WDPCP: variants seen among roughly 807,000 people sequenced by gnomAD.
WDPCP encodes WD repeat containing planar cell polarity effector.
Under a neutral mutation model 93.1 loss-of-function variants are expected in WDPCP, and 71 were observed. That is an observed-to-expected ratio of 0.76 (90% CI 0.63 to 0.93). WDPCP has a LOEUF of 0.93. Ranked by LOEUF, WDPCP falls within the 40% of genes least tolerant of loss-of-function variation. WDPCP has a pLI of 0.00. For missense variants in WDPCP, 844 were observed against 887.4 expected, an observed-to-expected ratio of 0.95 and a Z score of 0.62; for synonymous variants, 315 against 315.0, an observed-to-expected ratio of 1.00 and a Z score of 0.00.
chr2:63,435,850 C>T (rs1697104726), intron 8 of WDPCP, among the ~76,000 whole-genome samples: 2 of 152,074 alleles, frequency 1.3e-5, no homozygotes, highest in Non-Finnish European at 2.9e-5. Context: ...ATAGGAATGA[C>T]ATGGAGTGCC....
At chr2:63,223,667 C>T (rs1678026749) in intron 14 of WDPCP, among the ~76,000 whole-genome samples, 1 of 152,068 alleles carries the variant, frequency 6.6e-6, no homozygotes, top group South Asian at 2.1e-4. Flanking sequence ...AGGAGATTGG[C>T]CCTCTGCTTC....
intron 6 of WDPCP, among the ~76,000 whole-genome samples, chr2:63,470,909 A>G (rs1699651439): frequency 1.3e-5 from 2 of 151,192 alleles, no homozygotes; most frequent in Non-Finnish European, 2.9e-5. Flanking sequence ...TGTTCCCTCT[A>G]CCTGGAACGC....
At chr2:63,209,355 C>T (rs745406711) in intron 14 of WDPCP, among the ~76,000 whole-genome samples, 4 of 152,144 alleles carry the variant, frequency 2.6e-5, no homozygotes, top group South Asian at 2.1e-4. Context: ...TCCATTCATG[C>T]GTGTCACTAA....
At chr2:63,765,787 T>G (rs1459437707) in intron 2 of WDPCP, among the ~76,000 whole-genome samples, 1 of 152,214 alleles carries the variant, frequency 6.6e-6, no homozygotes, top group Non-Finnish European at 1.5e-5. Context: ...CGGGGGCACA[T>G]GTGTTTGTTC....
chr2:63,611,387 T>C (rs1709612838), intron 3 of WDPCP, among the ~76,000 whole-genome samples: 1 of 152,240 alleles, frequency 6.6e-6, no homozygotes, highest in African/African-American at 2.4e-5. Flanking sequence ...GCCTTCTGGA[T>C]TTGATATTAT....
At chr2:63,476,874 T>C (rs1183331232) in intron 6 of WDPCP, among the ~76,000 whole-genome samples, 2 of 152,184 alleles carry the variant, frequency 1.3e-5, no homozygotes, top group South Asian at 4.1e-4. Context: ...TTATCTGTGA[T>C]AGGCTTGGAA....
chr2:63,827,016 CTT>C (rs894754010), intron 1 of WDPCP, among the ~76,000 whole-genome samples: 20 of 152,144 alleles, frequency 1.3e-4, no homozygotes, highest in African/African-American at 4.6e-4. Context: ...AATGTAATCT[CTT>C]GTGTCTCAAG....
chr2:63,575,492 A>ATATACTGTG (rs1708010257), intron 1 of WDPCP, among the ~76,000 whole-genome samples: 4 of 104,580 alleles, frequency 3.8e-5, no homozygotes, highest in Admixed American at 8.8e-5. Flanking sequence ...TATATATAGT[A>ATATACTGTG]TATACAGTAT....
chr2:63,476,558 A>G (rs1699985248), intron 6 of WDPCP, among the ~76,000 whole-genome samples: 1 of 152,142 alleles, frequency 6.6e-6, no homozygotes, highest in South Asian at 2.1e-4. Context: ...TTTGGCACTC[A>G]TTAGTGTCCT....
intron 13 of WDPCP, among the ~76,000 whole-genome samples, chr2:63,284,985 T>TGCCAA (rs1483587524): frequency 2.0e-5 from 3 of 151,916 alleles, no homozygotes; most frequent in African/African-American, 7.2e-5. Flanking sequence ...TAAATTGGAA[T>TGCCAA]ACCAAACAAA....
chr2:63,767,384 G>A (rs1412427399), intron 2 of WDPCP, among the ~76,000 whole-genome samples: 1 of 152,060 alleles, frequency 6.6e-6, no homozygotes, highest in East Asian at 1.9e-4. Context: ...GGGTCATTTG[G>A]TGGATGTATG....
chr2:63,752,487 T>A, intron 2 of WDPCP: 1 of 769,432 alleles, frequency 1.3e-6, no homozygotes, highest in South Asian at 1.4e-5. Context: ...GAGCGCTTGG[T>A]GTTGGGATCT....
intron 1 of WDPCP, among the ~76,000 whole-genome samples, chr2:63,530,571 T>C (rs998092541): frequency 5.3e-5 from 8 of 152,170 alleles, no homozygotes; most frequent in Non-Finnish European, 1.0e-4. Flanking sequence ...GTAATTAAGG[T>C]TCAGAGAGCC....
chr2:63,179,111 G>A (rs139926203), intron 14 of WDPCP, among the ~76,000 whole-genome samples: 229 of 150,880 alleles, frequency 1.5e-3, no homozygotes, highest in African/African-American at 5.4e-3. Context: ...TGAGGCTGGA[G>A]AATCGCTTGA....
chr2:63,840,591 G>C, the WDPCP span, among the ~76,000 whole-genome samples: 1 of 152,228 alleles, frequency 6.6e-6, no homozygotes, highest in Non-Finnish European at 1.5e-5. Context: ...GTGATGAGGG[G>C]AGCAAGCGTC....
At chr2:63,829,499 T>C (rs1487849660), upstream of WDPCP, among the ~76,000 whole-genome samples, 1 of 152,140 alleles carries the variant, frequency 6.6e-6, no homozygotes, top group East Asian at 1.9e-4. Context: ...TTTAGCTCAG[T>C]TCCAGTACTC....
At chr2:63,212,729 C>G (rs769627670) in intron 14 of WDPCP, among the ~76,000 whole-genome samples, 7 of 151,276 alleles carry the variant, frequency 4.6e-5, no homozygotes, top group African/African-American at 1.7e-4. Flanking sequence ...ACCCATTTCA[C>G]GTTCAGAGAC....
At chr2:63,140,638 G>C (rs1227217665) in intron 17 of WDPCP, among the ~76,000 whole-genome samples, 2 of 151,742 alleles carry the variant, frequency 1.3e-5, no homozygotes, top group Non-Finnish European at 2.9e-5. Context: ...GTATAGAAGA[G>C]CTACTGATTT....
intron 14 of WDPCP, among the ~76,000 whole-genome samples, chr2:63,205,297 C>T (rs1266154490): frequency 6.6e-6 from 1 of 152,010 alleles, no homozygotes; most frequent in Non-Finnish European, 1.5e-5. Context: ...CTTAGGATTG[C>T]TTTGGCTACT....
Sources: allele counts gnomAD v4.1 joint callset (sites outside exome capture counted in the v4.1 genomes callset), GRCh38; gene constraint gnomAD v4.1.1; transcripts MANE v1.5; gene names NCBI Gene and HGNC (gene_info 2026-07-23, HGNC 2026-07-21).